The following TMEM132B variants were observed in gnomAD, a reference collection of about 807,000 sequenced individuals.
TMEM132B encodes the protein transmembrane protein 132B.
TMEM132B carries 18 observed loss-of-function variants against 90.8 expected under a neutral mutation model. The ratio of observed to expected loss-of-function variants is 0.20; its 90% CI spans 0.14 to 0.29. The LOEUF (loss-of-function observed/expected upper bound fraction) is 0.29, where lower values mean the gene tolerates loss of function less well. TMEM132B is among the 10% of genes least tolerant of loss of function. The pLI, the probability that TMEM132B is intolerant of heterozygous loss-of-function variation, is 1.00. For synonymous variants in TMEM132B, 504 were observed against 523.3 expected (o/e 0.96, Z 0.50); for missense variants, 1,096 against 1,326.8 (o/e 0.83, Z 2.70).
intron 4 of TMEM132B, among the ~76,000 whole-genome samples, chr12:125,560,397 G>A (rs1884490200): frequency 6.6e-6 from 1 of 152,172 alleles, no homozygotes; most frequent in Non-Finnish European, 1.5e-5. Flanking sequence ...ATTCAGTCCT[G>A]TTCTCAAAAG....
chr12:125,378,823 A>G (rs1878573663), intron 2 of TMEM132B, among the ~76,000 whole-genome samples: 1 of 152,226 alleles, frequency 6.6e-6, no homozygotes, highest in Non-Finnish European at 1.5e-5. Flanking sequence ...ATGGCCAAAG[A>G]GCAGTGTGTG....
chr12:125,592,125 G>C (rs1885331036), intron 5 of TMEM132B, among the ~76,000 whole-genome samples: 1 of 152,026 alleles, frequency 6.6e-6, no homozygotes, highest in Non-Finnish European at 1.5e-5. Context: ...AAGATCTTTG[G>C]AAAAAGAAAG....
chr12:125,388,739 C>T (rs891343603), intron 2 of TMEM132B, among the ~76,000 whole-genome samples: 14 of 152,366 alleles, frequency 9.2e-5, no homozygotes, highest in Admixed American at 9.1e-4. Flanking sequence ...TGCATAGATA[C>T]ACAAGGTGAA....
intron 1 of TMEM132B, among the ~76,000 whole-genome samples, chr12:125,318,187 TA>T (rs11366682): frequency 0.74 from 111,922 of 151,976 alleles, 42,224 homozygotes; most frequent in African/African-American, 0.89. Context: ...ACAATAAAAG[TA>T]AAAAAAACTC....
chr12:125,644,571 G>A (rs1886712946), intron 6 of TMEM132B, among the ~76,000 whole-genome samples: 1 of 152,152 alleles, frequency 6.6e-6, no homozygotes. Context: ...ACAAGATGTG[G>A]CATTTAGGAC....
At chr12:125,467,029 T>C (rs1012615375) in intron 3 of TMEM132B, among the ~76,000 whole-genome samples, 5 of 152,200 alleles carry the variant, frequency 3.3e-5, no homozygotes, top group African/African-American at 1.2e-4. Context: ...TCACAGCAGT[T>C]GATGCTGGGA....
chr12:125,526,146 G>C (rs1395355507), intron 4 of TMEM132B, among the ~76,000 whole-genome samples: 1 of 152,140 alleles, frequency 6.6e-6, no homozygotes, highest in Non-Finnish European at 1.5e-5. Context: ...CCCGTTACCA[G>C]CCTCCCTCCT....
At chr12:125,457,547 T>C (rs1057029871) in intron 3 of TMEM132B, among the ~76,000 whole-genome samples, 3 of 152,166 alleles carry the variant, frequency 2.0e-5, no homozygotes, top group African/African-American at 7.2e-5. Context: ...CAAAATAAAA[T>C]GCAATTCCTG....
chr12:125,654,577 A>T lies in TMEM132B; in HGVS notation c.3119A>T (p.Glu1040Val). The change falls in exon 9 of 9, where the codon GAG becomes GTG. Residue 1040 changes from glutamate to valine, a missense_variant. Glu to Val is a moderately radical substitution (Grantham distance 121). Transcript: ENST00000682704. The surrounding 1 kb of genome is among the most constrained non-coding windows in gnomAD (Gnocchi z 5.8). Reference protein sequence around the residue: ...KFTSYTTILPEDGGPYTNSIL... With the variant: ...KFTSYTTILPVDGGPYTNSIL... ...ACTTCCTACACCACCATCCTCCCAG[A>T]GGACGGCGGCCCATACACCAACTCC... 1.2e-6 allele frequency: 2 copies of T among 1,614,180 alleles called. No homozygotes were observed. The highest frequency in any genetic ancestry group is 1.7e-6 in the Non-Finnish European group (2 of 1,180,034).
chr12:125,599,756 A>G (rs1885528151), intron 5 of TMEM132B, among the ~76,000 whole-genome samples: 2 of 152,194 alleles, frequency 1.3e-5, no homozygotes, highest in Non-Finnish European at 2.9e-5. Context: ...AAAAAGAGAC[A>G]TGGTCTGAGT....
chr12:125,619,680 A>G (rs1407186715), intron 5 of TMEM132B, among the ~76,000 whole-genome samples: 1 of 152,084 alleles, frequency 6.6e-6, no homozygotes, highest in Non-Finnish European at 1.5e-5. Flanking sequence ...GTGGCATTTA[A>G]CTGGGCATGT....
At chr12:125,515,571 T>TCACA (rs745934547) in intron 3 of TMEM132B, among the ~76,000 whole-genome samples, 121 of 149,586 alleles carry the variant, frequency 8.1e-4, no homozygotes, top group Admixed American at 1.3e-3. Context: ...TCTCCCACAC[T>TCACA]CACACACACA....
At chr12:125,587,912 T>C (rs1169994305) in intron 5 of TMEM132B, 1 of 151,944 alleles carries the variant, frequency 6.6e-6, no homozygotes, top group Non-Finnish European at 1.5e-5. Flanking sequence ...ACAGGAGAAA[T>C]GATTGAAGGA....
At chr12:125,325,307 C>A (rs1876529716) in intron 1 of TMEM132B, among the ~76,000 whole-genome samples, 1 of 152,146 alleles carries the variant, frequency 6.6e-6, no homozygotes, top group African/African-American at 2.4e-5. Flanking sequence ...CCCTAGAATG[C>A]ATGGCCATGG....
chr12:125,642,052 G>A (rs898278946), intron 5 of TMEM132B, among the ~76,000 whole-genome samples: 3 of 152,156 alleles, frequency 2.0e-5, no homozygotes, highest in Non-Finnish European at 4.4e-5. Context: ...TAGTCTGCAT[G>A]CCACAGGCAG....
In TMEM132B at chr12:125,658,727, C is replaced by T. The variant is rs921827888; in HGVS notation, c.*4017C>T. Reference sequence around the variant, plus strand: ...TTTTTAAAGTGAAAGCATGCAAAATCGTAGCTTTTAAATGTACAGACATCC... The same window carrying T: ...TTTTTAAAGTGAAAGCATGCAAAATTGTAGCTTTTAAATGTACAGACATCC... On this transcript the variant is annotated 3_prime_UTR_variant, in exon 9 of 9. Coordinates refer to ENST00000682704, the MANE Select transcript of TMEM132B (RefSeq NM_001366854.1). 4 of 152,112 alleles carry T rather than the reference C, an allele frequency of 2.6e-5. No individual in the cohort carries two copies. Among genetic ancestry groups the T allele is most frequent in the Admixed American group, 2.6e-4 (4 of 15,274 alleles). The allele number at this position is 152,112 out of a possible 1,614,324, so 9.4% of individuals were successfully genotyped here.
intron 2 of TMEM132B, among the ~76,000 whole-genome samples, chr12:125,393,596 G>A (rs323849): frequency 0.53 from 79,980 of 151,918 alleles, 21,759 homozygotes; most frequent in East Asian, 0.87. Context: ...CATAGCAAAC[G>A]GTATATGCGA....
intron 2 of TMEM132B, among the ~76,000 whole-genome samples, chr12:125,384,552 C>T (rs1435935586): frequency 6.6e-6 from 1 of 152,160 alleles, no homozygotes; most frequent in Non-Finnish European, 1.5e-5. Flanking sequence ...TTAAAATATA[C>T]TTTTAGCAAT....
At position 125,603,309 on chromosome 12, in the gene TMEM132B, C is replaced by A. The variant is rs185777264; in HGVS notation, c.1437+19315C>A. ...GACCTCAGAAATAACACCACATCTACAACCATCTGATCTTTGACAAACCTG... is the reference window on the plus strand; with the variant it reads ...GACCTCAGAAATAACACCACATCTAAAACCATCTGATCTTTGACAAACCTG... On this transcript the variant is annotated intron_variant, in intron 5 of 8. Transcript: ENST00000682704. 2.0e-5 allele frequency among the ~76,000 whole-genome samples: 3 copies of A among 152,286 alleles called. No individual in the cohort carries two copies. In the East Asian group the frequency reaches 5.8e-4, roughly 29 times the overall value.
Sources: gnomAD v4.1 joint callset for allele counts (sites outside exome capture counted in the v4.1 genomes callset) on GRCh38, gnomAD v4.1.1 for gene constraint, Gnocchi (gnomAD v3.1) non-coding constraint, MANE v1.5 for transcripts, NCBI Gene and HGNC (gene_info 2026-07-23, HGNC 2026-07-21) for gene names.